The following ZNF670 variants were observed in gnomAD, a reference collection of about 807,000 sequenced individuals.
ZNF670 encodes the protein zinc finger protein 670.
Under a neutral mutation model 10.9 loss-of-function variants are expected in ZNF670, and 7 were observed. That is an observed-to-expected ratio of 0.64 (90% CI 0.36 to 1.20). ZNF670 has a LOEUF of 1.20. Ranked by LOEUF, ZNF670 falls within the 50% of genes most tolerant of loss-of-function variation. The pLI, the probability that ZNF670 is intolerant of heterozygous loss-of-function variation, is 0.02. For synonymous variants in ZNF670, 136 were observed against 152.7 expected (o/e 0.89, Z 0.81); for missense variants, 446 against 458.6 (o/e 0.97, Z 0.25).
chr1:247,077,496 CAA>C (rs1387021447), intron 1 of ZNF670, among the ~76,000 whole-genome samples: 1 of 152,028 alleles, frequency 6.6e-6, no homozygotes, highest in Non-Finnish European at 1.5e-5. Flanking sequence ...AGGAGATGCA[CAA>C]AGACTTTTTT....
At chr1:247,076,160 C>T (rs116696421) in intron 1 of ZNF670, among the ~76,000 whole-genome samples, 3,476 of 152,182 alleles carry the variant, frequency 0.023, 139 homozygotes, top group African/African-American at 0.077. Context: ...CAGGTCACTG[C>T]ATCACTTTGG....
At chr1:247,071,615 T>A (rs938605391) in intron 1 of ZNF670, among the ~76,000 whole-genome samples, 3 of 152,104 alleles carry the variant, frequency 2.0e-5, no homozygotes, top group African/African-American at 7.2e-5. Context: ...CCTCTAAACC[T>A]AAAATAAAAG....
At chr1:247,050,929 G>A (rs1408023983) in intron 1 of ZNF670, among the ~76,000 whole-genome samples, 1 of 151,242 alleles carries the variant, frequency 6.6e-6, no homozygotes, top group Admixed American at 6.6e-5. Context: ...TTTTTTCATT[G>A]TGTTATTGTT....
chr1:247,037,472 G>A lies in ZNF670; in HGVS notation c.1147C>T (p.His383Tyr), dbSNP rs1670185220. 1 of 1,610,574 alleles carries A rather than the reference G, an allele frequency of 6.2e-7. No individual in the cohort carries two copies. The highest frequency in any genetic ancestry group is 8.5e-7 in the Non-Finnish European group (1 of 1,178,928). The change falls in exon 4 of 4, where the codon CAT becomes TAT. Residue 383 changes from histidine to tyrosine, a missense_variant. Transcript: ENST00000366503. ...AFSCSSSLRK[H>Y]ERAYMW ...TTTTACCACATATAAGCTCTTTCAT[G>A]CTTTCGAAGGGAACTGGAACAACTG... is the stretch of plus-strand genomic sequence containing the variant.
At position 247,045,647 on chromosome 1, in the gene ZNF670, CA is replaced by C. The variant is rs1202216877; in HGVS notation, c.4-6111del. ...CCCAGTCTTAGGTATTACTTTATAT[CA>C]ATGGAAAAATGGAATAATACATAAA... On this transcript the variant is annotated intron_variant, in intron 1 of 3. Transcript: ENST00000366503. Among the ~76,000 whole-genome samples, 5 of 152,076 alleles carry C rather than the reference CA, an allele frequency of 3.3e-5. No individual in the cohort carries two copies. In the South Asian group the frequency reaches 6.2e-4, roughly 19 times the overall value.
chr1:247,043,317 CTG>C, intron 1 of ZNF670: 1 of 600,672 alleles, frequency 1.7e-6, no homozygotes. Flanking sequence ...AGTTAGAAAA[CTG>C]TCTTCGGTGG....
chr1:247,059,235 A>T (rs891868879), intron 1 of ZNF670, among the ~76,000 whole-genome samples: 1 of 151,736 alleles, frequency 6.6e-6, no homozygotes, highest in African/African-American at 2.4e-5. Flanking sequence ...AGGTCAGGAG[A>T]TCGAGACCAT....
At chr1:247,043,709 T>C (rs1670372994) in intron 1 of ZNF670, 3 of 463,526 alleles carry the variant, frequency 6.5e-6, no homozygotes, top group Non-Finnish European at 1.3e-5. Flanking sequence ...AACAAAGAAA[T>C]CAATCATTTA....
At position 247,037,514 on chromosome 1, in the gene ZNF670, T is replaced by G; in HGVS notation, c.1105A>C (p.Lys369Gln). The part of the protein sequence containing the change: ...HTGEKPYECK[K>Q]CGKAFSCSSS... ...GAACAACTGAAGGCTTTACCACATT[T>G]CTTACATTCATAGGGTTTTTCTCCA... The change falls in exon 4 of 4, where the codon AAA becomes CAA. Residue 369 changes from lysine (K) to glutamine (Q), a missense_variant. Lys to Gln is a moderately conservative substitution (Grantham distance 53, BLOSUM62 1). Coordinates refer to ENST00000366503, the MANE Select transcript of ZNF670 (RefSeq NM_033213.5). 3 of 1,614,056 alleles carry G rather than the reference T, an allele frequency of 1.9e-6. No individual in the cohort carries two copies. Among genetic ancestry groups the G allele is most frequent in the Non-Finnish European group, 2.5e-6 (3 of 1,179,962 alleles).
chr1:247,059,304 G>T (rs189008943), intron 1 of ZNF670, among the ~76,000 whole-genome samples: 57 of 151,998 alleles, frequency 3.8e-4, no homozygotes, highest in African/African-American at 1.4e-3. Flanking sequence ...AAATTAGCCG[G>T]GCGTGGTGGA....
chr1:247,066,003 T>C (rs767043780), intron 1 of ZNF670, among the ~76,000 whole-genome samples: 1 of 152,162 alleles, frequency 6.6e-6, no homozygotes, highest in South Asian at 2.1e-4. Flanking sequence ...TCAAGTCCCA[T>C]AGCAGTGTAA....
At chr1:247,061,640 C>T (rs1670862433) in intron 1 of ZNF670, among the ~76,000 whole-genome samples, 1 of 152,188 alleles carries the variant, frequency 6.6e-6, no homozygotes, top group Non-Finnish European at 1.5e-5. Context: ...ATAACGTAGG[C>T]TCTTCCACGT....
intron 1 of ZNF670, chr1:247,043,289 T>C: frequency 1.6e-6 from 1 of 636,332 alleles, no homozygotes; most frequent in South Asian, 1.5e-5. Flanking sequence ...GTGTACATTG[T>C]TTGGTCTGTG....
intron 1 of ZNF670, among the ~76,000 whole-genome samples, chr1:247,046,116 CAT>C (rs1670440794): frequency 6.6e-6 from 1 of 152,052 alleles, no homozygotes. Flanking sequence ...AAAGTTGAAA[CAT>C]GATTAAAAGA....
chr1:247,060,169 G>A (rs1670824849), intron 1 of ZNF670, among the ~76,000 whole-genome samples: 1 of 152,036 alleles, frequency 6.6e-6, no homozygotes, highest in Non-Finnish European at 1.5e-5. Flanking sequence ...GACCCAGATG[G>A]TAATACAATA....
At chr1:247,072,451 A>G (rs1437211934) in intron 1 of ZNF670, among the ~76,000 whole-genome samples, 1 of 151,316 alleles carries the variant, frequency 6.6e-6, no homozygotes, top group Non-Finnish European at 1.5e-5. Context: ...CACTGTGCCT[A>G]GCCTTATTAT....
At position 247,038,031 on chromosome 1, in the gene ZNF670, T is replaced by C; in HGVS notation, c.588A>G (p.Thr196=). 6.2e-7 allele frequency: 1 copy of C among 1,614,016 alleles called. No homozygotes were observed. The highest frequency in any genetic ancestry group is 8.5e-7 in the Non-Finnish European group (1 of 1,179,974). ...MPQSTYTGEK[T]YKCKHCDKAF... ...CTTTATCACAATGTTTACATTTATA[T>C]GTTTTCTCTCCAGTGTAAGTGCTCT... Residue 196 remains threonine, a synonymous_variant, in exon 4 of 4, where the codon ACA becomes ACG. Transcript: ENST00000366503.
chr1:247,037,562 G>A lies in ZNF670; in HGVS notation c.1057C>T (p.Arg353Ter), dbSNP rs563040127. ...CCAGTATGAGTCCTTTCATGGCTTC[G>A]AAGGGCACTGGAAGAAGTAAACGAC... is the stretch of plus-strand genomic sequence containing the variant. ...GKSFTSSSAL[R>*]SHERTHTGEK... Residue 353 changes from arginine (R) to a stop codon, truncating the protein, a stop_gained, in exon 4 of 4, where the codon CGA becomes TGA. Coordinates refer to ENST00000366503, the MANE Select transcript of ZNF670 (RefSeq NM_033213.5). LOFTEE classifies it low-confidence loss of function (END_TRUNC). The A allele has an allele frequency of 1.2e-5, 19 of 1,613,742 alleles. No homozygotes were observed. Among genetic ancestry groups the A allele is most frequent in the South Asian group, 5.5e-5 (5 of 91,070 alleles).
rs1201026890 is a variant in ZNF670, at chr1:247,035,792, T to C, written c.*1657A>G. On this transcript the variant is annotated 3_prime_UTR_variant, in exon 4 of 4. Coordinates refer to ENST00000366503, the MANE Select transcript of ZNF670 (RefSeq NM_033213.5). ...CAATACACTGGAAAATTGAACGTTATCAATATGGGTTGAGTGTTTCTTATC... is the reference window on the plus strand; with the variant it reads ...CAATACACTGGAAAATTGAACGTTACCAATATGGGTTGAGTGTTTCTTATC... Among the ~76,000 whole-genome samples, 4 of 152,214 alleles carry C rather than the reference T, an allele frequency of 2.6e-5. No individual in the cohort carries two copies. Among genetic ancestry groups the C allele is most frequent in the African/African-American group, 9.7e-5 (4 of 41,444 alleles).
Sources: allele counts gnomAD v4.1 joint callset (sites outside exome capture counted in the v4.1 genomes callset), GRCh38; gene constraint gnomAD v4.1.1; transcripts MANE v1.5; gene names NCBI Gene and HGNC (gene_info 2026-07-23, HGNC 2026-07-21).